Variants in PLD5 observed in about 807,000 individuals in gnomAD.
PLD5 encodes the protein phospholipase D family member 5, also known as inactive phospholipase D5.
PLD5 carries 36 observed loss-of-function variants against 61.1 expected under a neutral mutation model. The ratio of observed to expected loss-of-function variants is 0.59; its 90% confidence interval spans 0.45 to 0.78. The LOEUF (loss-of-function observed/expected upper bound fraction) is 0.78, where lower values mean the gene tolerates loss of function less well. PLD5 is among the 30% of genes least tolerant of loss of function. PLD5 has a pLI of 0.00. For synonymous variants in PLD5, 243 were observed against 242.8 expected (o/e 1.00, Z -0.01); for missense variants, 515 against 644.4 (o/e 0.80, Z 2.17).
At chr1:242,314,879 T>C (rs939962771) in intron 2 of PLD5, among the ~76,000 whole-genome samples, 1 of 152,138 alleles carries the variant, frequency 6.6e-6, no homozygotes, top group Non-Finnish European at 1.5e-5. Context: ...TGCCAACTGA[T>C]AGAAAGCTGC....
chr1:242,306,745 ACACACACACACAC>A (rs1676376999), intron 2 of PLD5, among the ~76,000 whole-genome samples: 3 of 3,874 alleles, frequency 7.7e-4, no homozygotes, highest in Non-Finnish European at 1.1e-3. Context: ...ATTAAAACAC[ACACACACACACAC>A]ACACACACAC....
Position 242,213,975 on chromosome 1 carries a change from C to A in PLD5, c.735+6013G>T, listed in dbSNP as rs149910914. 7.3e-4 allele frequency among the ~76,000 whole-genome samples: 111 copies of A among 152,018 alleles called. No homozygotes were observed. In the South Asian group the frequency reaches 8.1e-3, roughly 11 times the overall value. On this transcript the variant is annotated intron_variant, in intron 5 of 9. Transcript: ENST00000536534. ...ATGTTGTCAGTTGCTAGGTTATGATCCTGATATTTTCAGGATTCCTTTAAG... is the reference window on the plus strand; with the variant it reads ...ATGTTGTCAGTTGCTAGGTTATGATACTGATATTTTCAGGATTCCTTTAAG...
intron 2 of PLD5, among the ~76,000 whole-genome samples, chr1:242,312,234 ATTTT>A (rs55943187): frequency 2.6e-4 from 38 of 148,576 alleles, no homozygotes; most frequent in Admixed American, 2.3e-3. Context: ...AACAGGCCAG[ATTTT>A]TTTTTTTAAT....
At chr1:242,480,997 G>A (rs1558596884) in intron 1 of PLD5, among the ~76,000 whole-genome samples, 1 of 151,868 alleles carries the variant, frequency 6.6e-6, no homozygotes. Context: ...TTTTAGAATG[G>A]CTTAGTACCC....
At position 242,523,489 on chromosome 1, in the gene PLD5, A is replaced by C. The variant is rs1056625293; in HGVS notation, c.189+599T>G. On this transcript the variant is annotated intron_variant, in intron 1 of 9. Coordinates refer to ENST00000536534, the MANE Select transcript of PLD5 (RefSeq NM_001372062.1). ...GAGGGGAGGATTTCTGGGGAGCCCG[A>C]CGATCCGCTCGCTTTTAGCCTTTCT... is the stretch of plus-strand genomic sequence containing the variant. Among the ~76,000 whole-genome samples, 25 of 152,096 alleles carry C rather than the reference A, an allele frequency of 1.6e-4. 1 individual carries two copies. The South Asian group carries it at 4.8e-3, about 29-fold the overall frequency.
chr1:242,463,868 G>C (rs1359241855), intron 1 of PLD5, among the ~76,000 whole-genome samples: 1 of 151,508 alleles, frequency 6.6e-6, no homozygotes, highest in Non-Finnish European at 1.5e-5. Flanking sequence ...AACAAAAAAG[G>C]CCTTCCATTC....
chr1:242,251,241 C>T (rs1379466001), intron 4 of PLD5, among the ~76,000 whole-genome samples: 3 of 151,814 alleles, frequency 2.0e-5, no homozygotes, highest in Admixed American at 1.3e-4. Context: ...GAAGCAGAAG[C>T]AATCAATGCA....
intron 1 of PLD5, among the ~76,000 whole-genome samples, chr1:242,485,878 T>C (rs1225646942): frequency 6.6e-6 from 1 of 151,878 alleles, no homozygotes; most frequent in African/African-American, 2.4e-5. Context: ...TATAGACCAA[T>C]AGAACAGAAC....
At chr1:242,392,010 T>C (rs990008267) in intron 1 of PLD5, among the ~76,000 whole-genome samples, 17 of 152,190 alleles carry the variant, frequency 1.1e-4, no homozygotes, top group African/African-American at 4.1e-4. Flanking sequence ...TCAATATAGG[T>C]GCCCATCAAC....
At chr1:242,363,982 G>A (rs2149239448) in intron 1 of PLD5, among the ~76,000 whole-genome samples, 1 of 152,264 alleles carries the variant, frequency 6.6e-6, no homozygotes, top group South Asian at 2.1e-4. Flanking sequence ...CTCTGAAGGA[G>A]AGGAAGAGAC....
Position 242,288,417 on chromosome 1 carries a change from A to G in PLD5, c.440T>C (p.Val147Ala). 6.2e-7 allele frequency: 1 copy of G among 1,612,914 alleles called. No individual in the cohort carries two copies. Among genetic ancestry groups the G allele is most frequent in the Admixed American group, 1.7e-5 (1 of 59,674 alleles). Residue 147 changes from valine (V) to alanine (A), a missense_variant, in exon 3 of 10, where the codon GTT (valine) becomes GCT (alanine). By Grantham distance (64) the Val-to-Ala change is moderately conservative. Coordinates refer to ENST00000536534, the MANE Select transcript of PLD5 (RefSeq NM_001372062.1). ...ATCCCAATGGGAAGACACTATGTCA[A>G]CAGACTTTTTGGCCATGTTGAGTAA... ...MNLLNMAKKS[V>A]DIVSSHWDLN...
chr1:242,389,586 G>T (rs1424552907), intron 1 of PLD5, among the ~76,000 whole-genome samples: 9 of 151,696 alleles, frequency 5.9e-5, no homozygotes, highest in Non-Finnish European at 1.3e-4. Flanking sequence ...TCTGTTTAAG[G>T]TTTTCAGAGC....
At chr1:242,100,487 A>G (rs1297421844) in intron 9 of PLD5, among the ~76,000 whole-genome samples, 181 bp downstream of exon 9, 1 of 152,242 alleles carries the variant, frequency 6.6e-6, no homozygotes, top group Non-Finnish European at 1.5e-5. Flanking sequence ...GCCATGGAAG[A>G]GATATTTGAA....
At position 242,089,552 on chromosome 1, in the gene PLD5, A is replaced by G. The variant is rs1429652108; in HGVS notation, c.*302T>C. The G allele has an allele frequency of 7.7e-6, 4 of 518,098 alleles. No homozygotes were observed. Among genetic ancestry groups the G allele is most frequent in the African/African-American group, 1.9e-5 (1 of 52,110 alleles). The allele number at this position is 518,098 out of a possible 1,614,324, so 32.1% of individuals were successfully genotyped here. A position where few individuals can be genotyped will look rare whatever the true frequency, so the allele number is the denominator to read the frequency against. On this transcript the variant is annotated 3_prime_UTR_variant, in exon 10 of 10. Coordinates refer to ENST00000536534, the MANE Select transcript of PLD5 (RefSeq NM_001372062.1). The stretch of plus-strand genomic sequence containing the variant: ...AACAACTGACCGGGTAGGTCAGCAG[A>G]AAAAGTTCTAAAACTAGAAAGGAGC...
chr1:242,499,125 T>C (rs74150735), intron 1 of PLD5, among the ~76,000 whole-genome samples: 3,146 of 152,324 alleles, frequency 0.021, 105 homozygotes, highest in African/African-American at 0.073. Flanking sequence ...AGTATTATTT[T>C]TAAAATGATA....
At chr1:242,506,688 C>T (rs767823459) in intron 1 of PLD5, among the ~76,000 whole-genome samples, 1 of 152,148 alleles carries the variant, frequency 6.6e-6, no homozygotes, top group Non-Finnish European at 1.5e-5. Context: ...AACAGTAAAG[C>T]TCATCTCCAC....
At chr1:242,305,476 C>A (rs1397790368) in intron 2 of PLD5, among the ~76,000 whole-genome samples, 1 of 152,198 alleles carries the variant, frequency 6.6e-6, no homozygotes. Flanking sequence ...TCCTTCATTT[C>A]TTCATCTGAA....
chr1:242,161,283 T>C (rs1274806684), intron 5 of PLD5, among the ~76,000 whole-genome samples: 1 of 151,980 alleles, frequency 6.6e-6, no homozygotes, highest in Non-Finnish European at 1.5e-5. Flanking sequence ...GGCAAGAGCA[T>C]GTGCAGGGGA....
At chr1:242,260,975 A>G (rs540410871) in intron 4 of PLD5, among the ~76,000 whole-genome samples, 2 of 152,354 alleles carry the variant, frequency 1.3e-5, no homozygotes, top group East Asian at 3.9e-4. Flanking sequence ...AATTTTCACC[A>G]AGTTTATCTA....
Sources: allele counts gnomAD v4.1 joint callset (sites outside exome capture counted in the v4.1 genomes callset), GRCh38; gene constraint gnomAD v4.1.1; transcripts MANE v1.5; gene names NCBI Gene and HGNC (gene_info 2026-07-23, HGNC 2026-07-21).